The following CRACD variants were observed in gnomAD, a reference collection of about 807,000 sequenced individuals.
CRACD encodes the protein capping protein inhibiting regulator of actin dynamics, also known as capping protein-inhibiting regulator of actin dynamics.
A neutral mutation model predicts 106.8 loss-of-function variants in CRACD; 56 were observed. That is an observed-to-expected ratio of 0.52 (90% CI 0.42 to 0.66). CRACD has a LOEUF of 0.66. Ranked by LOEUF, CRACD falls within the 30% of genes least tolerant of loss-of-function variation. The pLI is 0.00. For synonymous variants in CRACD, 754 were observed against 670.8 expected (o/e 1.12, Z -1.92); for missense variants, 1,730 against 1,623.2 (o/e 1.07, Z -1.13).
At position 56,313,269 on chromosome 4, in the gene CRACD, G is replaced by A; in HGVS notation, c.427G>A (p.Asp143Asn). ...TGGCACCATCGAAAGTGTCAACTTA[G>A]ATGCCATCCCCCTGGCCATCGCTCG... is the stretch of plus-strand genomic sequence containing the variant. ...SAGTIESVNL[D>N]AIPLAIARLD... is the part of the protein sequence containing the mutation. Residue 143 changes from aspartate to asparagine, a missense_variant, in exon 7 of 11, where the codon GAT becomes AAT. By Grantham distance (23) the Asp-to-Asn change is conservative. Around this residue, in one of 5 missense-constraint regions of CRACD, gnomAD observed 1,620 missense variants for 1,481.6 expected, o/e 1.09. Transcript: ENST00000682029. 1 of 1,614,208 alleles carries A rather than the reference G, an allele frequency of 6.2e-7. No homozygotes were observed. Among genetic ancestry groups the A allele is most frequent in the Non-Finnish European group, 8.5e-7 (1 of 1,180,032 alleles).
chr4:56,294,780 G>A (rs1010526704), intron 3 of CRACD, among the ~76,000 whole-genome samples: 1 of 151,808 alleles, frequency 6.6e-6, no homozygotes, highest in African/African-American at 2.4e-5. Context: ...CAGGCGTGGT[G>A]GTGGGCACCT....
intron 2 of CRACD, among the ~76,000 whole-genome samples, chr4:56,189,796 T>A (rs1313912091): frequency 6.7e-6 from 1 of 148,656 alleles, no homozygotes; most frequent in Non-Finnish European, 1.5e-5. Flanking sequence ...TTTCTTTTTT[T>A]AAATTTTATT....
At chr4:56,313,892 C>A in intron 7 of CRACD, 148 bp from the exon 8 acceptor site, 1 of 1,070,734 alleles carries the variant, frequency 9.3e-7, no homozygotes, top group Non-Finnish European at 1.3e-6. Flanking sequence ...GTGACCGATG[C>A]CTGAGTTTAG....
At chr4:56,153,106 C>T (rs1735641704) in intron 1 of CRACD, among the ~76,000 whole-genome samples, 1 of 152,080 alleles carries the variant, frequency 6.6e-6, no homozygotes, top group Non-Finnish European at 1.5e-5. Flanking sequence ...TGGTGAAATC[C>T]CCATCTCTGC....
intron 3 of CRACD, among the ~76,000 whole-genome samples, chr4:56,286,583 A>G (rs2109687697): frequency 6.6e-6 from 1 of 151,956 alleles, no homozygotes; most frequent in African/African-American, 2.4e-5. Flanking sequence ...CTGAATTGGA[A>G]AAGATGCAAC....
At chr4:56,155,443 A>T (rs1259755218) in intron 1 of CRACD, among the ~76,000 whole-genome samples, 1 of 152,222 alleles carries the variant, frequency 6.6e-6, no homozygotes, top group African/African-American at 2.4e-5. Context: ...GGGATACATG[A>T]GGAACCAGGA....
At chr4:56,303,803 C>A (rs41473446) in intron 4 of CRACD, among the ~76,000 whole-genome samples, 4,467 of 152,258 alleles carry the variant, frequency 0.029, 207 homozygotes, top group African/African-American at 0.1. Context: ...ACTGTCTCAT[C>A]CCAGATGGCT....
At chr4:56,302,649 CT>C (rs556353241) in intron 4 of CRACD, among the ~76,000 whole-genome samples, 38 of 151,688 alleles carry the variant, frequency 2.5e-4, no homozygotes, top group African/African-American at 7.7e-4. Context: ...TATGCTTTTT[CT>C]TTTTTTTTAT....
At chr4:56,189,440 C>T (rs889641304) in intron 2 of CRACD, among the ~76,000 whole-genome samples, 7 of 151,790 alleles carry the variant, frequency 4.6e-5, no homozygotes, top group Admixed American at 1.3e-4. Context: ...GGTACATGTG[C>T]ACAACCTGCA....
At chr4:56,277,108 A>G (rs1742718536) in intron 3 of CRACD, among the ~76,000 whole-genome samples, 1 of 152,198 alleles carries the variant, frequency 6.6e-6, no homozygotes, top group South Asian at 2.1e-4. Flanking sequence ...GGAAGATGAC[A>G]AATAGAATAG....
At chr4:56,205,133 G>C (rs190627296) in intron 2 of CRACD, among the ~76,000 whole-genome samples, 1 of 152,150 alleles carries the variant, frequency 6.6e-6, no homozygotes, top group East Asian at 1.9e-4. Context: ...TCTAGCCTTG[G>C]CAACAGAGTA....
intron 3 of CRACD, among the ~76,000 whole-genome samples, chr4:56,284,035 A>G (rs556555261): frequency 1.3e-5 from 2 of 152,296 alleles, no homozygotes; most frequent in Admixed American, 1.3e-4. Context: ...GAAAACAGCC[A>G]TGATCTGAAC....
chr4:56,269,726 T>C (rs1166131297), intron 2 of CRACD, among the ~76,000 whole-genome samples: 1 of 151,912 alleles, frequency 6.6e-6, no homozygotes, highest in African/African-American at 2.4e-5. Context: ...CCACCACACC[T>C]GGCTAATTTT....
At chr4:56,161,074 T>TA (rs997854772) in intron 1 of CRACD, among the ~76,000 whole-genome samples, 8 of 152,180 alleles carry the variant, frequency 5.3e-5, no homozygotes, top group Non-Finnish European at 8.8e-5. Context: ...AAAAACTCAT[T>TA]AATGTCTTTA....
At chr4:56,246,376 C>T (rs1375099414) in intron 2 of CRACD, 4 of 152,112 alleles carry the variant, frequency 2.6e-5, no homozygotes, top group African/African-American at 7.2e-5. Context: ...ACTGCAGGGT[C>T]GGGAGGGATG....
At chr4:56,207,786 T>TATATGC (rs1738205189) in intron 2 of CRACD, among the ~76,000 whole-genome samples, 3 of 132,198 alleles carry the variant, frequency 2.3e-5, no homozygotes, top group East Asian at 3.0e-4. Flanking sequence ...ATATGCTTAT[T>TATATGC]TTATTTTATT....
chr4:56,068,089 A>G (rs941889560), intron 1 of CRACD, among the ~76,000 whole-genome samples: 24 of 152,170 alleles, frequency 1.6e-4, no homozygotes, highest in African/African-American at 5.8e-4. Context: ...GAGTTGGGGA[A>G]AGAAAGGCAG....
intron 5 of CRACD, among the ~76,000 whole-genome samples, chr4:56,310,282 G>C (rs928899904): frequency 2.0e-5 from 3 of 152,148 alleles, no homozygotes; most frequent in Non-Finnish European, 4.4e-5. Context: ...CTGGAGAAGG[G>C]GAGAGGCAGC....
At chr4:56,214,548 C>T (rs533133745) in intron 2 of CRACD, among the ~76,000 whole-genome samples, 1 of 151,352 alleles carries the variant, frequency 6.6e-6, no homozygotes, top group East Asian at 2.0e-4. Context: ...GCTGAGATTG[C>T]ACCGTTGCAC....
Sources: allele counts gnomAD v4.1 joint callset (sites outside exome capture counted in the v4.1 genomes callset), GRCh38; gene constraint gnomAD v4.1.1; regional missense constraint gnomAD v4.1.1; transcripts MANE v1.5; gene names NCBI Gene and HGNC (gene_info 2026-07-23, HGNC 2026-07-21).